GRIK1: variants seen among roughly 807,000 people sequenced by gnomAD.
The protein encoded by GRIK1 is glutamate ionotropic receptor kainate type subunit 1, also known as glutamate receptor ionotropic, kainate 1.
Under a neutral mutation model 105.7 loss-of-function variants are expected in GRIK1, and 69 were observed. The observed-to-expected ratio is 0.65, with a 90% CI of 0.54 to 0.80. GRIK1 has a LOEUF of 0.80. GRIK1 is among the 30% of genes least tolerant of loss of function. The pLI is 0.00. For missense variants in GRIK1, 1,109 were observed against 1,167.3 expected (o/e 0.95, Z 0.73); for synonymous variants, 438 against 431.3 (o/e 1.02, Z -0.19).
chr21:29,611,363 T>C (rs1189759332), intron 7 of GRIK1, among the ~76,000 whole-genome samples: 1 of 152,048 alleles, frequency 6.6e-6, no homozygotes, highest in Non-Finnish European at 1.5e-5. Flanking sequence ...AACTCAGATA[T>C]TCATTTCCAT....
intron 3 of GRIK1, among the ~76,000 whole-genome samples, chr21:29,682,942 A>G (rs115097355): frequency 6.6e-6 from 1 of 152,038 alleles, no homozygotes; most frequent in Non-Finnish European, 1.5e-5. Context: ...ACAAAAAAAA[A>G]CCAAATAACC....
chr21:29,594,388 AT>A (rs2061373487), intron 9 of GRIK1, among the ~76,000 whole-genome samples: 1 of 152,186 alleles, frequency 6.6e-6, no homozygotes. Context: ...GACATTTGAC[AT>A]TTCAGTACTG....
chr21:29,663,005 T>C (rs1398150261), intron 4 of GRIK1, among the ~76,000 whole-genome samples: 1 of 152,162 alleles, frequency 6.6e-6, no homozygotes, highest in African/African-American at 2.4e-5. Flanking sequence ...AACAATAATA[T>C]TCACAGCGAC....
At chr21:29,661,600 T>G (rs1193975475) in intron 4 of GRIK1, among the ~76,000 whole-genome samples, 3 of 152,216 alleles carry the variant, frequency 2.0e-5, no homozygotes, top group Admixed American at 2.0e-4. Context: ...AAAGCAGACC[T>G]GCTAACAACA....
intron 1 of GRIK1, among the ~76,000 whole-genome samples, chr21:29,905,965 T>A (rs992619054): frequency 6.6e-5 from 10 of 152,130 alleles, no homozygotes; most frequent in African/African-American, 1.2e-4. Flanking sequence ...TTGTTTGTTT[T>A]AAATATCTGT....
At chr21:29,924,855 G>A (rs1444967945) in intron 1 of GRIK1, among the ~76,000 whole-genome samples, 3 of 152,040 alleles carry the variant, frequency 2.0e-5, no homozygotes, top group Non-Finnish European at 2.9e-5. Flanking sequence ...TAATGTTTAT[G>A]GATCTGGCTC....
chr21:29,845,648 G>T (rs1182992263), intron 1 of GRIK1, among the ~76,000 whole-genome samples: 1 of 151,400 alleles, frequency 6.6e-6, no homozygotes, highest in African/African-American at 2.4e-5. Context: ...AAAGTTATTT[G>T]TCTAACGTAA....
In GRIK1 at chr21:29,577,052, G is replaced by T. The variant is rs767533461; in HGVS notation, c.2042C>A (p.Ser681Tyr). Reference sequence around the variant, plus strand: ...CAGATCATCTGCCGAATCTATGGGGGATTCCATTCTCTCTACTGTCAAGAA... The same window carrying T: ...CAGATCATCTGCCGAATCTATGGGGTATTCCATTCTCTCTACTGTCAAGAA... Reference protein sequence around the residue: ...AAFLTVERMESPIDSADDLAK... With the variant: ...AAFLTVERMEYPIDSADDLAK... Residue 681 changes from serine (S) to tyrosine (Y), a missense_variant, in exon 14 of 18, where the codon TCC becomes TAC. Ser to Tyr is a moderately radical substitution (Grantham distance 144, BLOSUM62 -2). Around this residue, in one of 5 missense-constraint regions of GRIK1, gnomAD observed 264 missense variants for 306.9 expected, o/e 0.86. Coordinates refer to ENST00000327783, the MANE Select transcript of GRIK1 (RefSeq NM_001330994.2). 1 of 1,613,348 alleles carries T rather than the reference G, an allele frequency of 6.2e-7. No homozygotes were observed. Among genetic ancestry groups the T allele is most frequent in the Non-Finnish European group, 8.5e-7 (1 of 1,179,372 alleles).
intron 14 of GRIK1, among the ~76,000 whole-genome samples, chr21:29,574,151 T>C (rs1167362787): frequency 6.6e-6 from 1 of 152,268 alleles, no homozygotes; most frequent in African/African-American, 2.4e-5. Flanking sequence ...TTTCTCATTA[T>C]GTATGTGCAA....
intron 1 of GRIK1, among the ~76,000 whole-genome samples, chr21:29,742,043 T>A (rs2064943639): frequency 6.6e-6 from 1 of 152,206 alleles, no homozygotes; most frequent in Non-Finnish European, 1.5e-5. Context: ...TTCATGGTAT[T>A]TTGTCAAGGA....
chr21:29,790,280 C>T (rs1369532415), intron 1 of GRIK1, among the ~76,000 whole-genome samples: 4 of 152,144 alleles, frequency 2.6e-5, no homozygotes, highest in African/African-American at 4.8e-5. Context: ...ATATCTTCAC[C>T]TCATGATCTG....
At chr21:29,539,691 T>C (rs572888970) in intron 16 of GRIK1, among the ~76,000 whole-genome samples, 20 of 152,208 alleles carry the variant, frequency 1.3e-4, no homozygotes, top group Non-Finnish European at 2.5e-4. Context: ...GCTCAGAAAT[T>C]TATTTCAATG....
chr21:29,731,847 T>C (rs1157538151), intron 1 of GRIK1, among the ~76,000 whole-genome samples: 1 of 152,200 alleles, frequency 6.6e-6, no homozygotes, highest in Non-Finnish European at 1.5e-5. Context: ...ATAAACTTCT[T>C]GTAAAGCATC....
At chr21:29,799,965 T>G (rs1335593462) in intron 1 of GRIK1, among the ~76,000 whole-genome samples, 1 of 152,212 alleles carries the variant, frequency 6.6e-6, no homozygotes, top group Non-Finnish European at 1.5e-5. Flanking sequence ...AAGTGGAAAA[T>G]AATAAAATTT....
chr21:29,890,696 C>T (rs994558118), intron 1 of GRIK1, among the ~76,000 whole-genome samples: 1 of 152,140 alleles, frequency 6.6e-6, no homozygotes, highest in African/African-American at 2.4e-5. Flanking sequence ...TCAAAGTCAT[C>T]AGGTTCTCCA....
At chr21:29,802,739 C>T (rs1028749763) in intron 1 of GRIK1, among the ~76,000 whole-genome samples, 4 of 152,160 alleles carry the variant, frequency 2.6e-5, no homozygotes, top group African/African-American at 7.2e-5. Flanking sequence ...CCATCATCTG[C>T]GATCCATTTT....
intron 14 of GRIK1, among the ~76,000 whole-genome samples, chr21:29,563,869 T>C (rs780169406): frequency 6.6e-5 from 10 of 152,176 alleles, no homozygotes; most frequent in Non-Finnish European, 1.3e-4. Flanking sequence ...AGCAAGTTAA[T>C]ACCAGAGCTA....
intron 12 of GRIK1, 21 bp from the exon 13 acceptor site, chr21:29,581,564 A>T (rs763682743): frequency 7.2e-7 from 1 of 1,386,430 alleles, no homozygotes; most frequent in Non-Finnish European, 1.0e-6. Context: ...TAACAGAAAC[A>T]GTCTGTAAAT....
chr21:29,871,177 C>T (rs1424628461), intron 1 of GRIK1, among the ~76,000 whole-genome samples: 1 of 152,152 alleles, frequency 6.6e-6, no homozygotes, highest in Non-Finnish European at 1.5e-5. Context: ...ACACAAGCTT[C>T]CAGAGGGCAG....
Sources: allele counts gnomAD v4.1 joint callset (sites outside exome capture counted in the v4.1 genomes callset), GRCh38; gene constraint gnomAD v4.1.1; regional missense constraint gnomAD v4.1.1; transcripts MANE v1.5; gene names NCBI Gene and HGNC (gene_info 2026-07-23, HGNC 2026-07-21).